The following CSMD1 variants were observed in gnomAD, a reference collection of about 807,000 sequenced individuals.
CSMD1 encodes the protein CUB and sushi domain-containing protein 1.
In CSMD1, 213 loss-of-function variants were observed where a neutral mutation model predicts 417.5. The ratio of observed to expected loss-of-function variants is 0.51; its 90% CI spans 0.46 to 0.57. The LOEUF (loss-of-function observed/expected upper bound fraction) is 0.57. Among genes scored for constraint, CSMD1 ranks in the 20% least tolerant of loss-of-function variants. CSMD1 has a pLI of 0.00. For synonymous variants in CSMD1, 2,862 were observed against 1,736.8 expected (o/e 1.65, Z -16.11); for missense variants, 6,923 against 4,529.7 (o/e 1.53, Z -15.17).
chr8:3,274,704 A>T (rs552841229), intron 26 of CSMD1, among the ~76,000 whole-genome samples: 4 of 151,706 alleles, frequency 2.6e-5, no homozygotes, highest in Non-Finnish European at 5.9e-5. Context: ...GTCTCTTTTG[A>T]TCTTTGTTGG....
At chr8:3,166,295 C>A (rs546209536) in intron 37 of CSMD1, among the ~76,000 whole-genome samples, 15 of 152,208 alleles carry the variant, frequency 9.9e-5, no homozygotes, top group African/African-American at 3.6e-4. Flanking sequence ...CTTTGGGAGG[C>A]CGAGGCAGGC....
chr8:4,008,588 CTTTCTTTT>C (rs1563312899), intron 4 of CSMD1, among the ~76,000 whole-genome samples: 10 of 87,856 alleles, frequency 1.1e-4, no homozygotes, highest in African/African-American at 3.7e-4. Flanking sequence ...TCAGTATTTT[CTTTCTTTT>C]TTTCTTTTTT....
chr8:3,394,186 G>A (rs565192033), intron 17 of CSMD1, among the ~76,000 whole-genome samples: 1 of 146,022 alleles, frequency 6.8e-6, no homozygotes, highest in Non-Finnish European at 1.5e-5. Flanking sequence ...ACATAGGGTA[G>A]TCATTCTTTT....
At chr8:4,846,072 G>T (rs563102537) in intron 1 of CSMD1, among the ~76,000 whole-genome samples, 5 of 152,032 alleles carry the variant, frequency 3.3e-5, no homozygotes, top group Non-Finnish European at 5.9e-5. Flanking sequence ...GTTGTGCTAC[G>T]TCCCAAATCA....
chr8:3,783,955 C>G (rs1799314812), intron 5 of CSMD1, among the ~76,000 whole-genome samples: 1 of 152,302 alleles, frequency 6.6e-6, no homozygotes, highest in Non-Finnish European at 1.5e-5. Flanking sequence ...TTACCTATTA[C>G]CTGCCCTTGG....
At position 4,111,060 on chromosome 8, in the gene CSMD1, G is replaced by A. The variant is rs1057153118; in HGVS notation, c.416-78961C>T. On this transcript the variant is annotated intron_variant, in intron 3 of 69. Transcript: ENST00000635120. ...GAAATAACTTAATAAACCTTGCACC[G>A]CATGGAAAAATCTGGTAGAAATCTA... Among the ~76,000 whole-genome samples the A allele has an allele frequency of 5.3e-5, 8 of 152,068 alleles. 1 individual carries two copies. The highest frequency in any genetic ancestry group is 1.0e-4 in the Non-Finnish European group (7 of 68,006).
At chr8:4,476,512 T>G (rs1800809106) in intron 2 of CSMD1, among the ~76,000 whole-genome samples, 1 of 152,202 alleles carries the variant, frequency 6.6e-6, no homozygotes, top group African/African-American at 2.4e-5. Context: ...TCATCACTAC[T>G]TTTCGGAGTT....
chr8:4,003,440 A>AAAT, intron 4 of CSMD1, among the ~76,000 whole-genome samples: 1 of 150,956 alleles, frequency 6.6e-6, no homozygotes, highest in Admixed American at 6.7e-5. Flanking sequence ...ATAAATAAAT[A>AAAT]GATAAGTAAA....
intron 3 of CSMD1, among the ~76,000 whole-genome samples, chr8:4,405,138 T>C (rs553465320): frequency 1.5e-4 from 23 of 152,340 alleles, no homozygotes; most frequent in Admixed American, 1.0e-3. Flanking sequence ...TTATTTCACA[T>C]AGGAGAAGTA....
Position 4,451,161 on chromosome 8 carries a change from C to G in CSMD1, c.303-31096G>C, listed in dbSNP as rs192416381. Among the ~76,000 whole-genome samples the G allele has an allele frequency of 3.6e-4, 53 of 146,828 alleles. No individual in the cohort carries two copies. In the East Asian group the frequency reaches 9.0e-3, roughly 25 times the overall value. ...TGGGCAACACAGTAAGACCCTGTCTCTATCAAAATAATATAAAAATAACCA... is the reference window on the plus strand; with the variant it reads ...TGGGCAACACAGTAAGACCCTGTCTGTATCAAAATAATATAAAAATAACCA... On this transcript the variant is annotated intron_variant, in intron 2 of 69. Transcript: ENST00000635120.
At chr8:3,162,347 A>C (rs1164284309) in intron 37 of CSMD1, 70 bp from the exon 38 acceptor site, 1 of 997,106 alleles carries the variant, frequency 1.0e-6, no homozygotes, top group Non-Finnish European at 1.5e-6. Flanking sequence ...GAATAACCAA[A>C]GTTTATTTCT....
At chr8:4,913,648 A>C (rs573364393) in intron 1 of CSMD1, among the ~76,000 whole-genome samples, 1 of 152,288 alleles carries the variant, frequency 6.6e-6, no homozygotes, top group East Asian at 1.9e-4. Context: ...GTTCTGCGTC[A>C]ACCAGATGTA....
chr8:4,742,241 A>G (rs1207522788), intron 1 of CSMD1, among the ~76,000 whole-genome samples: 5 of 151,060 alleles, frequency 3.3e-5, no homozygotes, highest in East Asian at 2.0e-4. Context: ...CTTGTTAGCC[A>G]GGATGGTCTC....
At chr8:4,238,177 G>C (rs543532578) in intron 3 of CSMD1, among the ~76,000 whole-genome samples, 11 of 152,314 alleles carry the variant, frequency 7.2e-5, no homozygotes, top group African/African-American at 1.4e-4. Context: ...GGACATCTTA[G>C]AATGCCAAGT....
At chr8:4,780,289 T>C (rs1206365908) in intron 1 of CSMD1, among the ~76,000 whole-genome samples, 5 of 152,224 alleles carry the variant, frequency 3.3e-5, no homozygotes, top group Non-Finnish European at 5.9e-5. Flanking sequence ...AGGCTTTGTC[T>C]CTGTATACTG....
rs1563390110 is a variant in CSMD1, at chr8:3,439,146, AAAAAAACC to A, written c.1562-29549_1562-29542del. Among the ~76,000 whole-genome samples, 8 of 129,332 alleles carry A rather than the reference AAAAAAACC, an allele frequency of 6.2e-5. 1 individual carries two copies. The highest frequency in any genetic ancestry group is 2.4e-4 in the East Asian group (1 of 4,212). 84.8% of individuals were successfully genotyped at this position (129,332 alleles called of 152,430 possible). ...TCAAAAAAAAAAAAAAAAAAAAAAA[AAAAAAACC>A]AAGAAAAAAAAAAGAAAAAGAAAAA... On this transcript the variant is annotated intron_variant, in intron 12 of 69. Transcript: ENST00000635120.
intron 7 of CSMD1, among the ~76,000 whole-genome samples, chr8:3,630,664 C>T (rs138653510): frequency 6.6e-6 from 1 of 151,900 alleles, no homozygotes; most frequent in Admixed American, 6.6e-5. Flanking sequence ...TCATTGCGTT[C>T]GAGAAAAAAT....
intron 8 of CSMD1, among the ~76,000 whole-genome samples, chr8:3,606,970 A>G (rs1584952662): frequency 6.6e-6 from 1 of 152,146 alleles, no homozygotes; most frequent in Non-Finnish European, 1.5e-5. Flanking sequence ...TCAGCCTCCC[A>G]AAGTGCTGGC....
chr8:4,738,903 T>TGTGTGTGTGTGTGTGTG (rs140973405), intron 1 of CSMD1, among the ~76,000 whole-genome samples: 24 of 147,396 alleles, frequency 1.6e-4, no homozygotes, highest in Non-Finnish European at 3.3e-4. Context: ...TTCTGTGTGT[T>TGTGTGTGTGTGTGTGTG]TGTGTGTGTG....
Sources: allele counts gnomAD v4.1 joint callset (sites outside exome capture counted in the v4.1 genomes callset), GRCh38; gene constraint gnomAD v4.1.1; transcripts MANE v1.5; gene names NCBI Gene and HGNC (gene_info 2026-07-23, HGNC 2026-07-21).